ASAP2: variants seen among roughly 807,000 people sequenced by gnomAD.
ASAP2 encodes the protein arf-GAP with SH3 domain, ANK repeat and PH domain-containing protein 2.
Under a neutral mutation model 131.4 loss-of-function variants are expected in ASAP2, and 45 were observed. The ratio of observed to expected loss-of-function variants is 0.34; its 90% CI spans 0.27 to 0.44. The LOEUF (loss-of-function observed/expected upper bound fraction) is 0.44. ASAP2 is among the 20% of genes least tolerant of loss of function. The pLI is 1.00. For missense variants in ASAP2, 1,011 were observed against 1,297.0 expected, an observed-to-expected ratio of 0.78 and a Z score of 3.39; for synonymous variants, 510 against 503.0, an observed-to-expected ratio of 1.01 and a Z score of -0.19.
At chr2:9,275,240 A>C (rs946830240) in intron 1 of ASAP2, among the ~76,000 whole-genome samples, 2 of 151,742 alleles carry the variant, frequency 1.3e-5, no homozygotes, top group African/African-American at 4.8e-5. Flanking sequence ...CGGCTAACTT[A>C]TTTTTATTTT....
rs138468316 is a variant in ASAP2, at chr2:9,256,627, G to C, written c.127-22690G>C. Among the ~76,000 whole-genome samples, 136 of 152,312 alleles carry C rather than the reference G, an allele frequency of 8.9e-4. 1 individual carries two copies. Among genetic ancestry groups the C allele is most frequent in the African/African-American group, 3.2e-3 (134 of 41,568 alleles). On this transcript the variant is annotated intron_variant, in intron 1 of 27. Coordinates refer to ENST00000281419, the MANE Select transcript of ASAP2 (RefSeq NM_003887.3). ...CTATTTACATGTGCAAATCAGAATTGTCTCTGTCTTGTGTAACTGGAAGAG... is the reference window on the plus strand; with the variant it reads ...CTATTTACATGTGCAAATCAGAATTCTCTCTGTCTTGTGTAACTGGAAGAG...
At chr2:9,376,607 A>G (rs529239316) in intron 17 of ASAP2, among the ~76,000 whole-genome samples, 1 of 152,332 alleles carries the variant, frequency 6.6e-6, no homozygotes, top group East Asian at 1.9e-4. Context: ...GCAGGCAGGG[A>G]TCTGCCTTGT....
intron 1 of ASAP2, among the ~76,000 whole-genome samples, chr2:9,278,200 C>T (rs546250361): frequency 6.6e-6 from 1 of 152,146 alleles, no homozygotes. Context: ...TTGTCTCCCT[C>T]CAGTCACAAG....
intron 18 of ASAP2, among the ~76,000 whole-genome samples, chr2:9,378,644 G>A (rs926692931): frequency 3.3e-5 from 5 of 152,170 alleles, no homozygotes; most frequent in African/African-American, 7.2e-5. Context: ...GGTTCACCCC[G>A]GTAGTGCACT....
chr2:9,379,031 C>T lies in ASAP2; in HGVS notation c.1920C>T (p.Leu640=), dbSNP rs1291047656. 1.0e-5 allele frequency: 16 copies of T among 1,576,178 alleles called. No individual in the cohort carries two copies. The Admixed American group carries it at 1.8e-4, about 18-fold the overall frequency. ...ACAATGCCGAGTGCCTCAAGTTGCT[C>T]CTGCGGGGGAAGGCCTCCATCGAGA... The part of the protein sequence containing the change: ...LTDNAECLKL[L]LRGKASIEIA... The change falls in exon 19 of 28, where the codon CTC becomes CTT. Residue 640 remains leucine, a synonymous_variant. Coordinates refer to ENST00000281419, the MANE Select transcript of ASAP2 (RefSeq NM_003887.3).
intron 24 of ASAP2, among the ~76,000 whole-genome samples, chr2:9,395,236 A>AC (rs1299376485): frequency 1.3e-5 from 2 of 152,230 alleles, no homozygotes; most frequent in East Asian, 3.9e-4. Flanking sequence ...ACTTTGGGAG[A>AC]CCAAGGTGGG....
At chr2:9,355,868 C>A (rs932019347) in intron 12 of ASAP2, among the ~76,000 whole-genome samples, 179 bp from the exon 13 acceptor site, 2 of 152,126 alleles carry the variant, frequency 1.3e-5, no homozygotes, top group Non-Finnish European at 2.9e-5. Context: ...CATTAGAATG[C>A]CACCGTTGGT....
intron 7 of ASAP2, among the ~76,000 whole-genome samples, chr2:9,332,121 C>T (rs1212770271): frequency 6.6e-6 from 1 of 152,122 alleles, no homozygotes; most frequent in African/African-American, 2.4e-5. Flanking sequence ...TACACCCCTT[C>T]TAGCCTGGTG....
At chr2:9,369,892 AG>A (rs1461241793) in intron 16 of ASAP2, among the ~76,000 whole-genome samples, 1 of 152,104 alleles carries the variant, frequency 6.6e-6, no homozygotes, top group African/African-American at 2.4e-5. Context: ...CCCAGGCTGG[AG>A]TGCAATGATG....
rs1314334739 is a variant in ASAP2, at chr2:9,392,530, G to A, written c.2519-952G>A. Among the ~76,000 whole-genome samples the A allele has an allele frequency of 2.0e-5, 3 of 152,184 alleles. No homozygotes were observed. Among genetic ancestry groups the A allele is most frequent in the Admixed American group, 6.5e-5 (1 of 15,280 alleles). ...GAGGGTCTTCAGAGGTTTCCAAGGCGAACACACCAAAGGCCAGAAGGAACC... is the reference window on the plus strand; with the variant it reads ...GAGGGTCTTCAGAGGTTTCCAAGGCAAACACACCAAAGGCCAGAAGGAACC... On this transcript the variant is annotated intron_variant, in intron 23 of 27. Coordinates refer to ENST00000281419, the MANE Select transcript of ASAP2 (RefSeq NM_003887.3). The surrounding 1 kb of genome is among the most constrained non-coding windows in gnomAD (Gnocchi z 4.0).
chr2:9,385,625 G>A (rs11674007), intron 21 of ASAP2, among the ~76,000 whole-genome samples: 5 of 152,042 alleles, frequency 3.3e-5, no homozygotes, highest in Non-Finnish European at 7.4e-5. Context: ...TGTGTGTGGC[G>A]GGGGGGTTGA....
At position 9,391,124 on chromosome 2, in the gene ASAP2, A is replaced by G. The variant is rs1675685212; in HGVS notation, c.2446A>G (p.Ser816Gly). 4 of 1,613,678 alleles carry G rather than the reference A, an allele frequency of 2.5e-6. No homozygotes were observed. Among genetic ancestry groups the G allele is most frequent in the Non-Finnish European group, 3.4e-6 (4 of 1,179,916 alleles). Reference protein sequence around the residue: ...KTNSVSVDGGSRQRSSSDPPA... With the variant: ...KTNSVSVDGGGRQRSSSDPPA... The stretch of plus-strand genomic sequence containing the variant: ...AAACTCTGTAAGTGTGGACGGTGGA[A>G]GCCGGCAGCGATCTTCGTCAGATCC... The change falls in exon 23 of 28, where the codon AGC becomes GGC. Residue 816 changes from serine to glycine, a missense_variant. By Grantham distance (56) the Ser-to-Gly change is moderately conservative (BLOSUM62 0). Around this residue, in one of 2 missense-constraint regions of ASAP2, gnomAD observed 652 missense variants for 698.9 expected, o/e 0.93. Transcript: ENST00000281419.
chr2:9,284,065 C>G (rs1667307412), intron 2 of ASAP2, among the ~76,000 whole-genome samples: 1 of 152,224 alleles, frequency 6.6e-6, no homozygotes. Context: ...TTGGCCTCAT[C>G]CAGATAATCC....
intron 24 of ASAP2, among the ~76,000 whole-genome samples, chr2:9,395,443 C>T (rs1176321341): frequency 6.6e-6 from 1 of 151,948 alleles, no homozygotes; most frequent in South Asian, 2.1e-4. Flanking sequence ...TCATTGTACT[C>T]CAGCCTGGGC....
chr2:9,285,801 G>A (rs560000793), intron 2 of ASAP2, among the ~76,000 whole-genome samples: 2 of 152,184 alleles, frequency 1.3e-5, no homozygotes, highest in South Asian at 2.1e-4. Flanking sequence ...CATTCTTATC[G>A]AGAGTGATAT....
intron 3 of ASAP2, among the ~76,000 whole-genome samples, chr2:9,312,855 T>C (rs1319879444): frequency 1.3e-5 from 2 of 152,082 alleles, no homozygotes; most frequent in Non-Finnish European, 2.9e-5. Flanking sequence ...GAGCTGTCCT[T>C]GCAGCCTGGC....
chr2:9,384,027 G>C (rs577628575), intron 20 of ASAP2, among the ~76,000 whole-genome samples: 1 of 152,098 alleles, frequency 6.6e-6, no homozygotes, highest in East Asian at 1.9e-4. Context: ...GTGGGGAGAC[G>C]GGGGAGGGAT....
chr2:9,347,235 C>T (rs561351917), intron 11 of ASAP2, among the ~76,000 whole-genome samples: 6 of 152,296 alleles, frequency 3.9e-5, no homozygotes, highest in African/African-American at 1.2e-4. Flanking sequence ...TATTTCCCTG[C>T]GTGCTCTGGA....
intron 9 of ASAP2, among the ~76,000 whole-genome samples, chr2:9,337,952 T>C (rs1005937765): frequency 6.6e-6 from 1 of 152,218 alleles, no homozygotes; most frequent in Non-Finnish European, 1.5e-5. Flanking sequence ...GATCGAACTA[T>C]GTACCATAGT....
Sources: allele counts gnomAD v4.1 joint callset (sites outside exome capture counted in the v4.1 genomes callset), GRCh38; gene constraint gnomAD v4.1.1; regional missense constraint gnomAD v4.1.1; non-coding constraint Gnocchi (gnomAD v3.1); transcripts MANE v1.5; gene names NCBI Gene and HGNC (gene_info 2026-07-23, HGNC 2026-07-21).